TCF20: variants seen among roughly 807,000 people sequenced by gnomAD.
TCF20 encodes SPRE-binding protein.
In TCF20, 3 loss-of-function variants were observed where a neutral mutation model predicts 148.6. The observed-to-expected ratio is 0.02, with a 90% confidence interval of 0.01 to 0.05. The LOEUF (loss-of-function observed/expected upper bound fraction) is 0.05, where lower values mean the gene tolerates loss of function less well. Ranked by LOEUF, TCF20 falls within the 10% of genes least tolerant of loss-of-function variation. The pLI, the probability that TCF20 is intolerant of heterozygous loss-of-function variation, is 1.00. For missense variants in TCF20, 2,350 were observed against 2,429.3 expected (o/e 0.97, Z 0.69); for synonymous variants, 1,049 against 909.5 (o/e 1.15, Z -2.76).
intron 1 of TCF20, among the ~76,000 whole-genome samples, chr22:42,301,787 G>A (rs1031027987): frequency 6.6e-6 from 1 of 152,228 alleles, no homozygotes; most frequent in African/African-American, 2.4e-5. Flanking sequence ...ACTGCCAGCG[G>A]GCAAAACCCG....
intron 1 of TCF20, among the ~76,000 whole-genome samples, chr22:42,231,374 C>T (rs934179081): frequency 6.6e-6 from 1 of 152,074 alleles, no homozygotes; most frequent in Non-Finnish European, 1.5e-5. Context: ...GTCCTAGCTA[C>T]TCAGGAGGCT....
intron 2 of TCF20, among the ~76,000 whole-genome samples, chr22:42,200,274 G>A (rs76623507): frequency 0.021 from 3,235 of 152,102 alleles, 130 homozygotes; most frequent in African/African-American, 0.074. Context: ...TGACTTGCTG[G>A]AGCTAGAAAC....
intron 5 of TCF20, among the ~76,000 whole-genome samples, chr22:42,165,435 A>C (rs572480864): frequency 6.6e-6 from 1 of 152,318 alleles, no homozygotes; most frequent in South Asian, 2.1e-4. Context: ...TCACGACAGG[A>C]GGAAGAGCTG....
rs1437552189 is a variant in TCF20, at chr22:42,168,627, C to A, written c.*26G>T. ...GACTCACCTGTGCTTGCTGTCCTTT[C>A]CATTCCCACGAGCACACTGCCCCCC... On this transcript the variant is annotated 3_prime_UTR_variant, in exon 5 of 6. Coordinates refer to ENST00000677622, the MANE Select transcript of TCF20 (RefSeq NM_001378418.1). 6.3e-7 allele frequency: 1 copy of A among 1,585,474 alleles called. No homozygotes were observed. The highest frequency in any genetic ancestry group is 2.3e-5 in the East Asian group (1 of 43,534).
chr22:42,256,449 C>T (rs1925747786), intron 1 of TCF20, among the ~76,000 whole-genome samples: 1 of 151,482 alleles, frequency 6.6e-6, no homozygotes, highest in South Asian at 2.1e-4. Flanking sequence ...ACTTTCAGCA[C>T]ATGCGCTAGC....
chr22:42,289,774 A>C (rs1273428395), intron 1 of TCF20, among the ~76,000 whole-genome samples: 2 of 152,224 alleles, frequency 1.3e-5, no homozygotes, highest in African/African-American at 4.8e-5. Flanking sequence ...TGAGGCCACC[A>C]GGAGCCTGCA....
intron 2 of TCF20, among the ~76,000 whole-genome samples, chr22:42,198,155 A>T (rs1937707032): frequency 6.6e-6 from 1 of 152,256 alleles, no homozygotes; most frequent in Non-Finnish European, 1.5e-5. Flanking sequence ...AAGAAAAAAG[A>T]AATCACAGAT....
chr22:42,244,980 G>A (rs1258528370), intron 1 of TCF20, among the ~76,000 whole-genome samples: 2 of 152,202 alleles, frequency 1.3e-5, no homozygotes, highest in African/African-American at 4.8e-5. Flanking sequence ...CTACTGGGGT[G>A]GTTGAGGCAC....
intron 1 of TCF20, among the ~76,000 whole-genome samples, chr22:42,264,128 C>CCG (rs1926159602): frequency 6.6e-6 from 1 of 151,964 alleles, no homozygotes; most frequent in Admixed American, 6.6e-5. Flanking sequence ...CCTTTCTGAT[C>CCG]CGCACAGTTC....
chr22:42,342,897 C>T (rs1339913972), intron 1 of TCF20, among the ~76,000 whole-genome samples: 1 of 152,146 alleles, frequency 6.6e-6, no homozygotes, highest in African/African-American at 2.4e-5. Context: ...AGCTAAGGGG[C>T]CTTGTTTAAA....
At chr22:42,234,399 G>T (rs191811447) in intron 1 of TCF20, among the ~76,000 whole-genome samples, 2 of 152,292 alleles carry the variant, frequency 1.3e-5, no homozygotes, top group African/African-American at 2.4e-5. Context: ...AAAAGCCAAT[G>T]AACCTTTTTA....
intron 1 of TCF20, among the ~76,000 whole-genome samples, chr22:42,249,715 C>A (rs1042205269): frequency 6.6e-6 from 1 of 152,072 alleles, no homozygotes; most frequent in Non-Finnish European, 1.5e-5. Context: ...AAAATACAGG[C>A]AAAAAATACA....
intron 5 of TCF20, among the ~76,000 whole-genome samples, chr22:42,164,437 G>A (rs1167251611): frequency 2.6e-5 from 4 of 151,986 alleles, no homozygotes. Flanking sequence ...TGTATTGTTA[G>A]CCAGGATGGT....
intron 1 of TCF20, among the ~76,000 whole-genome samples, chr22:42,251,477 T>C (rs1925359382): frequency 7.1e-6 from 1 of 141,142 alleles, no homozygotes. Context: ...ACTCTGTACC[T>C]GGCCAAACAA....
At chr22:42,204,587 G>A (rs562861446) in intron 2 of TCF20, among the ~76,000 whole-genome samples, 1 of 152,332 alleles carries the variant, frequency 6.6e-6, no homozygotes, top group African/African-American at 2.4e-5. Context: ...GCTCAGGCCT[G>A]TAATCCCAGC....
chr22:42,273,423 G>T (rs1213515903), upstream of TCF20, among the ~76,000 whole-genome samples: 2 of 146,860 alleles, frequency 1.4e-5, no homozygotes, highest in African/African-American at 2.5e-5. Flanking sequence ...AACACTAGCT[G>T]CATGTTCTAT....
chr22:42,214,019 A>G lies in TCF20; in HGVS notation c.1287T>C (p.Asn429=). ...SPTPSMMPSP[N]SHAAGFKGFG... ...ACCCTTTGAAGCCTGCAGCATGAGA[A>G]TTAGGACTGGGCATCATTGATGGGG... Residue 429 remains asparagine, a synonymous_variant, in exon 2 of 6, where the codon AAT becomes AAC. Transcript: ENST00000677622. 2 of 1,614,160 alleles carry G rather than the reference A, an allele frequency of 1.2e-6. No homozygotes were observed. The highest frequency in any genetic ancestry group is 2.2e-5 in the South Asian group (2 of 91,072).
chr22:42,314,270 G>T (rs1296688391), intron 1 of TCF20, among the ~76,000 whole-genome samples: 1 of 152,262 alleles, frequency 6.6e-6, no homozygotes, highest in Non-Finnish European at 1.5e-5. Context: ...TGTGCTCTGG[G>T]GCAGATGCCT....
intron 1 of TCF20, among the ~76,000 whole-genome samples, chr22:42,257,675 G>A (rs193153845): frequency 1.3e-5 from 2 of 152,180 alleles, no homozygotes; most frequent in South Asian, 2.1e-4. Context: ...AAAATATTCT[G>A]CAAGTCTTTT....
Sources: gnomAD v4.1 joint callset for allele counts (sites outside exome capture counted in the v4.1 genomes callset) on GRCh38, gnomAD v4.1.1 for gene constraint, MANE v1.5 for transcripts, NCBI Gene and HGNC (gene_info 2026-07-23, HGNC 2026-07-21) for gene names.